The following TRIM9 variants were observed in gnomAD, a reference collection of about 807,000 sequenced individuals.
The protein encoded by TRIM9 is tripartite motif containing 9, also known as E3 ubiquitin-protein ligase TRIM9.
In TRIM9, 26 loss-of-function variants were observed where a neutral mutation model predicts 78.3. The ratio of observed to expected loss-of-function variants is 0.33; its 90% confidence interval spans 0.24 to 0.46. TRIM9 has a LOEUF of 0.46. Among genes scored for constraint, TRIM9 ranks in the 20% least tolerant of loss-of-function variants. The probability of loss-of-function intolerance (pLI) is 1.00; values close to 1 mark genes in which losing one functional copy is unlikely to be tolerated. For synonymous variants in TRIM9, 398 were observed against 416.5 expected (o/e 0.96, Z 0.54); for missense variants, 787 against 1,036.4 (o/e 0.76, Z 3.30).
At chr14:51,071,943 G>A (rs1209713423) in intron 1 of TRIM9, among the ~76,000 whole-genome samples, 2 of 152,214 alleles carry the variant, frequency 1.3e-5, no homozygotes, top group Non-Finnish European at 2.9e-5. Context: ...GAGGTGCTAC[G>A]CATTTGCCAA....
chr14:51,049,124 C>T (rs899899840), intron 1 of TRIM9, among the ~76,000 whole-genome samples: 2 of 152,188 alleles, frequency 1.3e-5, no homozygotes, highest in African/African-American at 4.8e-5. Flanking sequence ...TGCAGAAGCG[C>T]AGTCCCGGCT....
At chr14:50,985,118 A>G (rs2139341955) in intron 8 of TRIM9, among the ~76,000 whole-genome samples, 1 of 152,358 alleles carries the variant, frequency 6.6e-6, no homozygotes, top group African/African-American at 2.4e-5. Flanking sequence ...AAGAGATCAA[A>G]TAGGTCTGCA....
At chr14:51,053,509 C>CT (rs201980160) in intron 1 of TRIM9, among the ~76,000 whole-genome samples, 2,372 of 113,718 alleles carry the variant, frequency 0.021, 75 homozygotes, top group African/African-American at 0.069. Context: ...AACAGGTATT[C>CT]TTTTTTTTTT....
intron 12 of TRIM9, chr14:50,979,116 AC>A (rs2051457347): frequency 3.6e-6 from 5 of 1,390,088 alleles, no homozygotes; most frequent in Non-Finnish European, 4.7e-6. Context: ...AACTAGAGCT[AC>A]AGAGATGATC....
At chr14:51,037,146 CT>C (rs2059220726) in intron 1 of TRIM9, among the ~76,000 whole-genome samples, 2 of 152,146 alleles carry the variant, frequency 1.3e-5, no homozygotes, top group Admixed American at 1.3e-4. Context: ...CCTCAAAATG[CT>C]TTACTTACTA....
At chr14:50,990,828 T>A (rs2053414623) in intron 7 of TRIM9, among the ~76,000 whole-genome samples, 1 of 152,210 alleles carries the variant, frequency 6.6e-6, no homozygotes, top group African/African-American at 2.4e-5. Context: ...TCAACTCAAT[T>A]ATAAACCAGC....
intron 1 of TRIM9, among the ~76,000 whole-genome samples, chr14:51,080,893 T>TC (rs1490438337): frequency 1.3e-5 from 2 of 152,366 alleles, no homozygotes; most frequent in Admixed American, 1.3e-4. Context: ...TTTGGACTTT[T>TC]CCATGTTTCC....
intron 1 of TRIM9, among the ~76,000 whole-genome samples, chr14:51,043,417 G>A (rs2059711062): frequency 6.6e-6 from 1 of 152,198 alleles, no homozygotes; most frequent in African/African-American, 2.4e-5. Flanking sequence ...AGAGAATGGA[G>A]AACAAGTTGG....
intron 1 of TRIM9, among the ~76,000 whole-genome samples, chr14:51,033,175 C>T (rs1264330389): frequency 6.6e-6 from 1 of 152,176 alleles, no homozygotes; most frequent in Non-Finnish European, 1.5e-5. Flanking sequence ...CTGCAACCTC[C>T]ACCTCCCGGG....
At chr14:51,068,080 A>T (rs1282946365) in intron 1 of TRIM9, among the ~76,000 whole-genome samples, 1 of 152,192 alleles carries the variant, frequency 6.6e-6, no homozygotes, top group African/African-American at 2.4e-5. Flanking sequence ...CTGGACCCCC[A>T]AACCCAGAAT....
intron 7 of TRIM9, among the ~76,000 whole-genome samples, chr14:50,992,719 G>T (rs1241138323): frequency 6.6e-6 from 1 of 152,194 alleles, no homozygotes; most frequent in Non-Finnish European, 1.5e-5. Flanking sequence ...TCTTTTCTGG[G>T]TGGTTTCCTT....
At chr14:51,015,505 C>CTTTTT (rs369652663) in intron 3 of TRIM9, among the ~76,000 whole-genome samples, 771 of 61,332 alleles carry the variant, frequency 0.013, 15 homozygotes, top group Middle Eastern at 0.016. Flanking sequence ...CTTTACTTTT[C>CTTTTT]TTTTTTTTTT....
chr14:51,015,426 C>T lies in TRIM9; in HGVS notation c.1042-4932G>A, dbSNP rs531895080. Reference sequence around the variant, plus strand: ...TGACACCTTCCCCCACCTCCATTTACCTCTCCATTTTACATGTGGTTCTTT... The same window carrying T: ...TGACACCTTCCCCCACCTCCATTTATCTCTCCATTTTACATGTGGTTCTTT... On this transcript the variant is annotated intron_variant, in intron 3 of 12. Transcript: ENST00000684578. Among the ~76,000 whole-genome samples the T allele has an allele frequency of 1.7e-4, 26 of 151,878 alleles. No individual in the cohort carries two copies. In the South Asian group the frequency reaches 5.2e-3, roughly 31 times the overall value.
intron 12 of TRIM9, among the ~76,000 whole-genome samples, chr14:50,978,515 G>T (rs72685397): frequency 1.3e-5 from 2 of 152,228 alleles, no homozygotes; most frequent in Non-Finnish European, 2.9e-5. Context: ...TGTCTGGAAG[G>T]CTCCACGCAA....
At chr14:51,024,238 A>G (rs987819365) in intron 2 of TRIM9, among the ~76,000 whole-genome samples, 3 of 152,224 alleles carry the variant, frequency 2.0e-5, no homozygotes, top group African/African-American at 7.2e-5. Flanking sequence ...GGCAGAGGCA[A>G]GCCTGGGGCT....
At chr14:51,053,894 T>C (rs550992897) in intron 1 of TRIM9, among the ~76,000 whole-genome samples, 67 of 152,204 alleles carry the variant, frequency 4.4e-4, no homozygotes, top group African/African-American at 1.6e-3. Flanking sequence ...AAAAGAAATA[T>C]ATTATGGGTA....
chr14:51,019,212 T>C (rs1243295140), intron 3 of TRIM9, among the ~76,000 whole-genome samples: 6 of 152,256 alleles, frequency 3.9e-5, no homozygotes, highest in Admixed American at 3.9e-4. Context: ...GGAGGTCCAG[T>C]GTGCTCTGCT....
chr14:51,058,962 G>A, intron 1 of TRIM9, among the ~76,000 whole-genome samples: 1 of 152,218 alleles, frequency 6.6e-6, no homozygotes, highest in East Asian at 1.9e-4. Context: ...AAGGAAAGAA[G>A]GGTTGCGGAA....
intron 1 of TRIM9, among the ~76,000 whole-genome samples, chr14:51,063,403 G>A (rs2140173484): frequency 6.6e-6 from 1 of 152,126 alleles, no homozygotes; most frequent in East Asian, 1.9e-4. Context: ...GGAAGGGAAA[G>A]CAAGAATCAT....
Sources: allele counts gnomAD v4.1 joint callset (sites outside exome capture counted in the v4.1 genomes callset), GRCh38; gene constraint gnomAD v4.1.1; transcripts MANE v1.5; gene names NCBI Gene and HGNC (gene_info 2026-07-23, HGNC 2026-07-21).